PACC1: variants seen among roughly 807,000 people sequenced by gnomAD.
PACC1 encodes the protein proton activated chloride channel 1, also known as proton-activated chloride channel.
In PACC1, 34 loss-of-function variants were observed where a neutral mutation model predicts 39.7. The observed-to-expected ratio is 0.86, with a 90% CI of 0.65 to 1.14. The LOEUF is 1.14. Among genes scored for constraint, PACC1 ranks in the 50% most tolerant of loss-of-function variants. PACC1 has a pLI of 0.00. For missense variants in PACC1, 379 were observed against 436.4 expected (o/e 0.87, Z 1.17); for synonymous variants, 127 against 160.6 (o/e 0.79, Z 1.58).
chr1:212,390,757 T>C (rs904405147), intron 2 of PACC1, among the ~76,000 whole-genome samples: 47 of 152,336 alleles, frequency 3.1e-4, no homozygotes, highest in African/African-American at 1.1e-3. Context: ...ACCGTGCTTT[T>C]CCAATGGTCT....
At chr1:212,366,748 C>G (rs1435157309) in intron 7 of PACC1, among the ~76,000 whole-genome samples, 1 of 152,130 alleles carries the variant, frequency 6.6e-6, no homozygotes, top group Non-Finnish European at 1.5e-5. Flanking sequence ...AATGTTTTAT[C>G]ACACATTACA....
chr1:212,393,159 A>G (rs1391874675), intron 2 of PACC1, among the ~76,000 whole-genome samples: 2 of 152,212 alleles, frequency 1.3e-5, no homozygotes, highest in Non-Finnish European at 2.9e-5. Flanking sequence ...CACCACACCT[A>G]TTCCAAAATT....
intron 1 of PACC1, 77 bp downstream of exon 1, chr1:212,414,645 C>T: frequency 1.3e-6 from 2 of 1,565,494 alleles, no homozygotes; most frequent in South Asian, 1.1e-5. Flanking sequence ...CGACACCCCC[C>T]GCCCCGCATC....
At chr1:212,405,844 T>C (rs1463792599) in intron 2 of PACC1, among the ~76,000 whole-genome samples, 1 of 151,980 alleles carries the variant, frequency 6.6e-6, no homozygotes, top group Non-Finnish European at 1.5e-5. Context: ...ATAAAGTGTA[T>C]ATAAAAAGCC....
chr1:212,414,114 G>T, intron 1 of PACC1: 1 of 1,498,146 alleles, frequency 6.7e-7, no homozygotes, highest in South Asian at 1.3e-5. Context: ...ACAAAGAACT[G>T]GAAAGTGATA....
intron 2 of PACC1, among the ~76,000 whole-genome samples, chr1:212,389,863 A>G (rs1213613878): frequency 2.0e-5 from 3 of 152,218 alleles, no homozygotes; most frequent in African/African-American, 7.2e-5. Context: ...CGTGTATCTA[A>G]CCACTGTAAA....
chr1:212,414,069 T>C lies in PACC1; in HGVS notation c.36+653A>G, dbSNP rs555000870. 1.3e-6 allele frequency: 2 copies of C among 1,534,284 alleles called. 1 individual carries two copies. The highest frequency in any genetic ancestry group is 4.9e-5 in the East Asian group (2 of 40,884). ...GGCAGGGCTTGCTTGAAGGAAGCGC[T>C]GGACGCACAGCCTGCAGCGCAGGAC... On this transcript the variant is annotated intron_variant, in intron 1 of 7. Coordinates refer to ENST00000261455, the MANE Select transcript of PACC1 (RefSeq NM_018252.3).
intron 7 of PACC1, among the ~76,000 whole-genome samples, chr1:212,369,076 A>C (rs1017401287): frequency 2.6e-5 from 4 of 151,982 alleles, no homozygotes; most frequent in Non-Finnish European, 4.4e-5. Flanking sequence ...TATAATAAAA[A>C]GTCAAAATGT....
At chr1:212,385,216 T>C (rs2102496152) in intron 4 of PACC1, 58 bp downstream of exon 4, 3 of 1,604,920 alleles carry the variant, frequency 1.9e-6, no homozygotes, top group Non-Finnish European at 2.6e-6. Context: ...CTTGGGGCCT[T>C]GGGTTGCGGG....
chr1:212,402,634 G>A (rs980740872), intron 2 of PACC1, among the ~76,000 whole-genome samples: 1 of 152,018 alleles, frequency 6.6e-6, no homozygotes, highest in African/African-American at 2.4e-5. Flanking sequence ...TCTTGATAGT[G>A]TCCTTTGATA....
intron 4 of PACC1, among the ~76,000 whole-genome samples, chr1:212,383,345 G>T (rs1049189247): frequency 1.3e-5 from 2 of 152,200 alleles, no homozygotes; most frequent in Non-Finnish European, 2.9e-5. Context: ...CACTTCAACT[G>T]GGGGAGGAGA....
At chr1:212,411,014 T>C (rs1662108328) in intron 1 of PACC1, among the ~76,000 whole-genome samples, 1 of 152,234 alleles carries the variant, frequency 6.6e-6, no homozygotes, top group Non-Finnish European at 1.5e-5. Flanking sequence ...ACACCAGCCA[T>C]GTTGGATTAG....
chr1:212,393,695 C>T (rs1661411615), intron 2 of PACC1, among the ~76,000 whole-genome samples: 1 of 151,826 alleles, frequency 6.6e-6, no homozygotes, highest in African/African-American at 2.4e-5. Context: ...GCTAGCAAGA[C>T]TAATAAGGAA....
intron 2 of PACC1, among the ~76,000 whole-genome samples, chr1:212,407,746 G>A (rs1166353025): frequency 1.3e-5 from 2 of 152,302 alleles, no homozygotes; most frequent in East Asian, 3.9e-4. Context: ...CTCCCAAAGT[G>A]TTGGGATTAC....
intron 2 of PACC1, among the ~76,000 whole-genome samples, chr1:212,394,387 C>T (rs1661436632): frequency 6.6e-6 from 1 of 152,154 alleles, no homozygotes; most frequent in African/African-American, 2.4e-5. Context: ...AATTCAACAG[C>T]CCTTCATGCT....
chr1:212,413,815 G>A, intron 1 of PACC1: 1 of 1,409,080 alleles, frequency 7.1e-7, no homozygotes, highest in Non-Finnish European at 9.4e-7. Context: ...GAGAGTATAA[G>A]AGACTAAAGG....
chr1:212,381,695 G>GCACACACA (rs58078220), intron 4 of PACC1, among the ~76,000 whole-genome samples: 63 of 122,836 alleles, frequency 5.1e-4, no homozygotes, highest in Non-Finnish European at 1.0e-3. Context: ...CACACACACT[G>GCACACACA]CACACACACA....
At chr1:212,371,751 T>C (rs1660468874) in intron 7 of PACC1, among the ~76,000 whole-genome samples, 1 of 152,156 alleles carries the variant, frequency 6.6e-6, no homozygotes, top group African/African-American at 2.4e-5. Context: ...CCGATATCTC[T>C]GATGAACACA....
intron 7 of PACC1, among the ~76,000 whole-genome samples, chr1:212,366,005 G>A (rs1395776725): frequency 6.6e-6 from 1 of 152,118 alleles, no homozygotes; most frequent in Non-Finnish European, 1.5e-5. Flanking sequence ...AAACTCAGAG[G>A]AGGATTCCTG....
Sources: gnomAD v4.1 joint callset for allele counts (sites outside exome capture counted in the v4.1 genomes callset) on GRCh38, gnomAD v4.1.1 for gene constraint, MANE v1.5 for transcripts, NCBI Gene and HGNC (gene_info 2026-07-23, HGNC 2026-07-21) for gene names.